Variants in DPP10 observed in about 807,000 individuals in gnomAD.
The protein encoded by DPP10 is dipeptidyl peptidase like 10, also known as inactive dipeptidyl peptidase 10.
In DPP10, 33 loss-of-function variants were observed where a neutral mutation model predicts 120.9. The observed-to-expected ratio is 0.27, with a 90% CI of 0.21 to 0.37. DPP10 has a LOEUF of 0.37. Ranked by LOEUF, DPP10 falls within the 10% of genes least tolerant of loss-of-function variation. DPP10 has a pLI of 1.00. For missense variants in DPP10, 816 were observed against 942.8 expected (o/e 0.87, Z 1.76); for synonymous variants, 337 against 326.1 (o/e 1.03, Z -0.36).
intron 1 of DPP10, among the ~76,000 whole-genome samples, chr2:114,480,388 T>C (rs112780482): frequency 1.3e-3 from 202 of 152,222 alleles, no homozygotes; most frequent in African/African-American, 4.6e-3. Flanking sequence ...ATCATGCTAC[T>C]ATAAAGACAC....
chr2:114,785,582 C>T (rs1048088642), intron 1 of DPP10, among the ~76,000 whole-genome samples: 2 of 152,154 alleles, frequency 1.3e-5, no homozygotes, highest in Non-Finnish European at 2.9e-5. Context: ...ATCTAAAACA[C>T]AGGCCTCAAA....
At chr2:115,052,395 T>C (rs1479048855) in intron 1 of DPP10, among the ~76,000 whole-genome samples, 1 of 152,036 alleles carries the variant, frequency 6.6e-6, no homozygotes, top group African/African-American at 2.4e-5. Flanking sequence ...AAAAGACCCA[T>C]GAAATGAGAA....
At chr2:115,641,152 G>C (rs757878075) in intron 5 of DPP10, among the ~76,000 whole-genome samples, 7 of 152,036 alleles carry the variant, frequency 4.6e-5, no homozygotes, top group Non-Finnish European at 1.0e-4. Flanking sequence ...CTCTCTCCTA[G>C]CCCAAGCCAT....
At chr2:115,415,876 T>TATATATATATATATAC (rs1553592804) in intron 3 of DPP10, among the ~76,000 whole-genome samples, 2 of 133,162 alleles carry the variant, frequency 1.5e-5, no homozygotes, top group African/African-American at 5.8e-5. Flanking sequence ...TATATATATA[T>TATATATATATATATAC]GCACACACAC....
At chr2:114,730,628 C>G (rs2105940717) in intron 1 of DPP10, among the ~76,000 whole-genome samples, 1 of 152,244 alleles carries the variant, frequency 6.6e-6, no homozygotes, top group Non-Finnish European at 1.5e-5. Flanking sequence ...CAGTCTTGCT[C>G]TGTCATCCAG....
intron 1 of DPP10, among the ~76,000 whole-genome samples, chr2:115,070,566 G>C (rs1163629481): frequency 6.6e-6 from 1 of 152,070 alleles, no homozygotes; most frequent in Admixed American, 6.6e-5. Context: ...AGTGTTAACT[G>C]TCATTGATCA....
intron 4 of DPP10, among the ~76,000 whole-genome samples, chr2:115,516,401 G>A (rs765720944): frequency 2.6e-5 from 4 of 151,982 alleles, no homozygotes; most frequent in Non-Finnish European, 4.4e-5. Context: ...GCTTTGGCAT[G>A]GAAGGGTCAT....
chr2:115,759,278 G>T (rs1355581800), intron 11 of DPP10, among the ~76,000 whole-genome samples: 1 of 151,956 alleles, frequency 6.6e-6, no homozygotes, highest in Non-Finnish European at 1.5e-5. Flanking sequence ...TCAACATTTG[G>T]TCAGGTATGG....
At chr2:114,770,914 A>G (rs2106149525) in intron 1 of DPP10, among the ~76,000 whole-genome samples, 1 of 152,302 alleles carries the variant, frequency 6.6e-6, no homozygotes, top group Admixed American at 6.5e-5. Context: ...TCCTTCAGCA[A>G]GAAATATGTG....
At chr2:115,481,151 G>T (rs1357604336) in intron 3 of DPP10, among the ~76,000 whole-genome samples, 1 of 152,078 alleles carries the variant, frequency 6.6e-6, no homozygotes, top group East Asian at 1.9e-4. Context: ...CTAAACAACT[G>T]CATGCTTCAC....
intron 1 of DPP10, among the ~76,000 whole-genome samples, chr2:115,036,537 C>T (rs1704237116): frequency 6.6e-6 from 1 of 152,084 alleles, no homozygotes; most frequent in Admixed American, 6.6e-5. Context: ...GATTATCGCA[C>T]CATTGTAAAG....
At chr2:115,420,107 G>C (rs777780024) in intron 3 of DPP10, among the ~76,000 whole-genome samples, 1 of 152,106 alleles carries the variant, frequency 6.6e-6, no homozygotes, top group African/African-American at 2.4e-5. Flanking sequence ...AAATATTTCG[G>C]TCCAGAACTT....
chr2:115,338,218 T>C (rs1032000432), intron 2 of DPP10, among the ~76,000 whole-genome samples: 1 of 152,092 alleles, frequency 6.6e-6, no homozygotes, highest in Non-Finnish European at 1.5e-5. Flanking sequence ...GTTTAACATA[T>C]TAATCTAATA....
At chr2:115,018,642 A>G (rs1197537831) in intron 1 of DPP10, among the ~76,000 whole-genome samples, 1 of 152,144 alleles carries the variant, frequency 6.6e-6, no homozygotes, top group East Asian at 1.9e-4. Flanking sequence ...GTTCTCACTC[A>G]TAAGTAGGAG....
At chr2:114,871,326 T>C (rs1054303108) in intron 1 of DPP10, among the ~76,000 whole-genome samples, 5 of 152,288 alleles carry the variant, frequency 3.3e-5, no homozygotes, top group African/African-American at 1.2e-4. Context: ...TTTAAAAAAT[T>C]TGAATACTTT....
At chr2:115,020,012 G>A (rs2105167474) in intron 1 of DPP10, among the ~76,000 whole-genome samples, 1 of 152,228 alleles carries the variant, frequency 6.6e-6, no homozygotes, top group South Asian at 2.1e-4. Context: ...ACTGCCAAAA[G>A]GAGCATGAAA....
At position 115,842,386 on chromosome 2, in the gene DPP10, C is replaced by T; in HGVS notation, c.*41C>T. ...CAGAACTGAAGGGAATATTGAGGCT[C>T]AATGAAACCTGACAAAGAGACTGTA... On this transcript the variant is annotated 3_prime_UTR_variant, in exon 26 of 26. Coordinates refer to ENST00000410059, the MANE Select transcript of DPP10 (RefSeq NM_020868.6). 6.3e-7 allele frequency: 1 copy of T among 1,582,996 alleles called. No homozygotes were observed. Among genetic ancestry groups the T allele is most frequent in the Non-Finnish European group, 8.6e-7 (1 of 1,160,380 alleles).
intron 1 of DPP10, among the ~76,000 whole-genome samples, chr2:114,922,765 T>A (rs1387912063): frequency 1.3e-5 from 2 of 152,248 alleles, no homozygotes; most frequent in African/African-American, 2.4e-5. Context: ...TTTTATGGAT[T>A]TATCACGTTT....
At chr2:115,374,548 T>C (rs1183130439) in intron 3 of DPP10, among the ~76,000 whole-genome samples, 1 of 152,218 alleles carries the variant, frequency 6.6e-6, no homozygotes, top group Non-Finnish European at 1.5e-5. Context: ...AGTGCCCCAG[T>C]GGAGACTGTA....
Sources: allele counts gnomAD v4.1 joint callset (sites outside exome capture counted in the v4.1 genomes callset), GRCh38; gene constraint gnomAD v4.1.1; transcripts MANE v1.5; gene names NCBI Gene and HGNC (gene_info 2026-07-23, HGNC 2026-07-21).